SHQ1: variants seen among roughly 807,000 people sequenced by gnomAD.
SHQ1 encodes SHQ1, H/ACA ribonucleoprotein assembly factor.
In SHQ1, 49 loss-of-function variants were observed where a neutral mutation model predicts 53.8. The observed-to-expected ratio is 0.91, with a 90% CI of 0.72 to 1.16. SHQ1 has a LOEUF of 1.16. SHQ1 is among the 50% of genes most tolerant of loss of function. SHQ1 has a pLI of 0.00. For missense variants in SHQ1, 738 were observed against 683.1 expected (o/e 1.08, Z -0.90); for synonymous variants, 243 against 251.0 (o/e 0.97, Z 0.30).
chr3:72,728,357 G>T, the SHQ1 span, among the ~76,000 whole-genome samples: 1 of 152,218 alleles, frequency 6.6e-6, no homozygotes, highest in Non-Finnish European at 1.5e-5. Context: ...CCAACAGGTA[G>T]GTGACATGTG....
chr3:72,792,141 G>C (rs969472508), intron 10 of SHQ1, among the ~76,000 whole-genome samples: 1 of 152,146 alleles, frequency 6.6e-6, no homozygotes. Context: ...GCCAATAAAT[G>C]CAGAGCTCTC....
chr3:72,732,814 C>T, the SHQ1 span, among the ~76,000 whole-genome samples: 3 of 151,356 alleles, frequency 2.0e-5, no homozygotes, highest in Admixed American at 6.6e-5. Flanking sequence ...ACTGTAGGCA[C>T]ATGAATGATC....
the SHQ1 span, among the ~76,000 whole-genome samples, chr3:72,726,277 A>G: frequency 2.6e-5 from 4 of 152,304 alleles, no homozygotes; most frequent in South Asian, 8.3e-4. Flanking sequence ...GCCGCCTCCC[A>G]GGCAAGTGGG....
At chr3:72,843,106 G>A (rs937761163) in intron 2 of SHQ1, among the ~76,000 whole-genome samples, 2 of 151,754 alleles carry the variant, frequency 1.3e-5, no homozygotes, top group African/African-American at 4.8e-5. Context: ...ATTTATCTGT[G>A]AAAGCTACAG....
downstream of SHQ1, among the ~76,000 whole-genome samples, chr3:72,748,965 G>GCACACA (rs1553687832): frequency 8.0e-6 from 1 of 125,654 alleles, no homozygotes; most frequent in African/African-American, 3.9e-5. Context: ...AAACACACAC[G>GCACACA]CACACGCACA....
the SHQ1 span, among the ~76,000 whole-genome samples, chr3:72,734,954 T>C: frequency 1.3e-5 from 2 of 151,438 alleles, no homozygotes; most frequent in African/African-American, 4.9e-5. Context: ...CCAGTATGGC[T>C]GTGGAATGGG....
chr3:72,843,571 C>A (rs542651867), intron 2 of SHQ1, among the ~76,000 whole-genome samples: 117 of 152,320 alleles, frequency 7.7e-4, no homozygotes, highest in African/African-American at 2.7e-3. Context: ...CCAAATATCT[C>A]CGCATACACA....
In SHQ1 at chr3:72,785,303, A is replaced by ATT. The variant is rs1488655119; in HGVS notation, c.1181+7612_1181+7613insAA. Among the ~76,000 whole-genome samples, 3 of 152,178 alleles carry ATT rather than the reference A, an allele frequency of 2.0e-5. No individual in the cohort carries two copies. In the East Asian group the frequency reaches 5.8e-4, roughly 29 times the overall value. On this transcript the variant is annotated intron_variant, in intron 10 of 10. Transcript: ENST00000325599. ...CCTATAGTCACCAATAAAGCTCCCCAGTTTTGCTGTAAAAGTCTGAGTGAG... is the reference window on the plus strand; with the variant it reads ...CCTATAGTCACCAATAAAGCTCCCCATTGTTTTGCTGTAAAAGTCTGAGTGAG...
chr3:72,770,970 A>T (rs1022836452), intron 10 of SHQ1, among the ~76,000 whole-genome samples: 1 of 152,148 alleles, frequency 6.6e-6, no homozygotes, highest in Non-Finnish European at 1.5e-5. Context: ...ACATATAACA[A>T]TCTCCTGTAG....
At chr3:72,841,352 CAAA>C (rs751315965) in intron 3 of SHQ1, among the ~76,000 whole-genome samples, 153 bp from the exon 4 acceptor site, 1 of 119,964 alleles carries the variant, frequency 8.3e-6, no homozygotes, top group Non-Finnish European at 1.8e-5. Flanking sequence ...TTCGTGACAG[CAAA>C]AAAAAAAAAA....
intron 10 of SHQ1, among the ~76,000 whole-genome samples, chr3:72,752,010 G>T (rs1705395695): frequency 6.6e-6 from 1 of 152,112 alleles, no homozygotes; most frequent in Non-Finnish European, 1.5e-5. Context: ...TATGACATAG[G>T]TCTGAGGTTA....
intron 10 of SHQ1, among the ~76,000 whole-genome samples, chr3:72,755,302 A>AGATG (rs1559658885): frequency 6.7e-6 from 1 of 150,106 alleles, no homozygotes; most frequent in East Asian, 1.9e-4. Flanking sequence ...ATGGATGGAT[A>AGATG]GATGGATGGA....
Position 72,750,766 on chromosome 3 carries a change from C to G in SHQ1, c.1252G>C (p.Glu418Gln), listed in dbSNP as rs1451037349. The G allele has an allele frequency of 6.4e-7, 1 of 1,551,948 alleles. No individual in the cohort carries two copies. The highest frequency in any genetic ancestry group is 2.0e-5 in the Admixed American group (1 of 51,072). Reference sequence around the variant, plus strand: ...GCTGCTGCTTCTAGTTCTTCCAGTTCTAACCCCAGCTGGGCCTTTGTAAGG... The same window carrying G: ...GCTGCTGCTTCTAGTTCTTCCAGTTGTAACCCCAGCTGGGCCTTTGTAAGG... ...VSLTKAQLGL[E>Q]LEELEAAALL... is the part of the protein sequence containing the mutation. The change falls in exon 11 of 11, where the codon GAA becomes CAA. Residue 418 changes from glutamate to glutamine, a missense_variant. Coordinates refer to ENST00000325599, the MANE Select transcript of SHQ1 (RefSeq NM_018130.3).
chr3:72,838,314 T>C (rs1365785132), intron 4 of SHQ1, among the ~76,000 whole-genome samples: 4 of 152,236 alleles, frequency 2.6e-5, no homozygotes, highest in Non-Finnish European at 5.9e-5. Context: ...ACTATTTACG[T>C]TATAAAACCC....
chr3:72,812,864 TA>T, intron 8 of SHQ1, 70 bp from the exon 9 acceptor site: 1 of 1,564,186 alleles, frequency 6.4e-7, no homozygotes, highest in Non-Finnish European at 8.7e-7. Context: ...CACAATGAAA[TA>T]GGAAGCTTTT....
At chr3:72,847,590 C>A (rs547275322) in intron 1 of SHQ1, among the ~76,000 whole-genome samples, 2 of 152,232 alleles carry the variant, frequency 1.3e-5, no homozygotes, top group African/African-American at 4.8e-5. Context: ...CAAGTGCTGA[C>A]AGACCCTCAC....
At chr3:72,842,172 A>G (rs1233472318) in intron 3 of SHQ1, 108 bp downstream of exon 3, 1 of 1,232,186 alleles carries the variant, frequency 8.1e-7, no homozygotes, top group East Asian at 2.4e-5. Flanking sequence ...TTATACCTGA[A>G]GTATTTTCTT....
chr3:72,757,381 CTTTTTTT>C (rs779724149), intron 10 of SHQ1, among the ~76,000 whole-genome samples: 26 of 134,940 alleles, frequency 1.9e-4, no homozygotes, highest in Non-Finnish European at 3.6e-4. Context: ...CTTCTCTTTC[CTTTTTTT>C]TTTTTTTTTT....
Position 72,800,655 on chromosome 3 carries a change from C to T in SHQ1, c.1061-7619G>A, listed in dbSNP as rs150607756. On this transcript the variant is annotated intron_variant, in intron 9 of 10. Transcript: ENST00000325599. ...ATTGTATGATCCTGTTTAATAAACG[C>T]TGGTTGTTAATCCAGTCTGGAGTAC... Among the ~76,000 whole-genome samples the T allele has an allele frequency of 3.8e-3, 572 of 152,302 alleles. 4 individuals carry two copies. Among genetic ancestry groups the T allele is most frequent in the Middle Eastern group, 0.037 (11 of 294 alleles).
Sources: gnomAD v4.1 joint callset for allele counts (sites outside exome capture counted in the v4.1 genomes callset) on GRCh38, gnomAD v4.1.1 for gene constraint, MANE v1.5 for transcripts, NCBI Gene and HGNC (gene_info 2026-07-23, HGNC 2026-07-21) for gene names.